NRAP: variants seen among roughly 807,000 people sequenced by gnomAD.
NRAP encodes the protein nebulin related anchoring protein.
Under a neutral mutation model 225.9 loss-of-function variants are expected in NRAP, and 189 were observed. The ratio of observed to expected loss-of-function variants is 0.84; its 90% CI spans 0.74 to 0.94. The LOEUF is 0.94. Ranked by LOEUF, NRAP falls within the 40% of genes least tolerant of loss-of-function variation. The probability of loss-of-function intolerance (pLI) is 0.00; values close to 1 mark genes in which losing one functional copy is unlikely to be tolerated. For synonymous variants in NRAP, 769 were observed against 790.7 expected, an observed-to-expected ratio of 0.97 and a Z score of 0.46; for missense variants, 2,176 against 2,168.7, an observed-to-expected ratio of 1.00 and a Z score of -0.07.
chr10:113,641,794 A>C (rs1026167986), intron 12 of NRAP, among the ~76,000 whole-genome samples: 1 of 152,142 alleles, frequency 6.6e-6, no homozygotes, highest in Admixed American at 6.5e-5. Flanking sequence ...CAATGTGAAA[A>C]TTTACCATGA....
intron 3 of NRAP, 93 bp downstream of exon 3, chr10:113,662,586 C>A: frequency 1.3e-6 from 1 of 795,622 alleles, no homozygotes; most frequent in African/African-American, 1.7e-5. Context: ...CTGTGCCTGG[C>A]TAGAATATAT....
intron 3 of NRAP, among the ~76,000 whole-genome samples, chr10:113,660,370 CACACATATATAT>C (rs1346135013): frequency 3.9e-5 from 6 of 152,024 alleles, no homozygotes; most frequent in African/African-American, 9.7e-5. Context: ...CGGATGCACA[CACACATATATAT>C]ACACATATAT....
chr10:113,616,169 C>T (rs542490327), intron 26 of NRAP, among the ~76,000 whole-genome samples: 1 of 152,240 alleles, frequency 6.6e-6, no homozygotes, highest in South Asian at 2.1e-4. Context: ...ATACAGAAGG[C>T]GAGAAAGAAG....
intron 7 of NRAP, among the ~76,000 whole-genome samples, chr10:113,651,318 TTC>T (rs1178901049): frequency 1.3e-5 from 2 of 152,176 alleles, no homozygotes; most frequent in Non-Finnish European, 1.5e-5. Flanking sequence ...CCTTCCTCAT[TTC>T]TCTCTCTTTT....
rs1849481443 is a variant in NRAP, at chr10:113,645,954, A to AAC, written c.994-14_994-13insGT. On this transcript the variant is annotated splice_polypyrimidine_tract_variant and intron_variant, in intron 10 of 41. Coordinates refer to ENST00000359988, the MANE Select transcript of NRAP (RefSeq NM_198060.4). ...GCCTGTATTTTATCTGAAAAAAAAA[A>AAC]CACAAAACGGGGCTGGAGTTGATGT... The AAC allele has an allele frequency of 7.2e-7, 1 of 1,394,518 alleles. No homozygotes were observed. The highest frequency in any genetic ancestry group is 1.0e-6 in the Non-Finnish European group (1 of 1,003,296). 86.4% of individuals were successfully genotyped at this position (1,394,518 alleles called of 1,614,324 possible).
Position 113,651,989 on chromosome 10 carries a change from G to T in NRAP, c.571-82C>A, listed in dbSNP as rs1013791168. The T allele has an allele frequency of 1.1e-5, 9 of 834,662 alleles. 1 individual carries two copies. The highest frequency in any genetic ancestry group is 1.9e-5 in the Non-Finnish European group (9 of 483,364). 51.7% of individuals were successfully genotyped at this position (834,662 alleles called of 1,614,324 possible). A position where few individuals can be genotyped will look rare whatever the true frequency, so the allele number is the denominator to read the frequency against. ...CTCTCCCTGTGGCTCTCCTAAAGCTGCACCATCAGGCTACACTCAATGCAA... is the reference window on the plus strand; with the variant it reads ...CTCTCCCTGTGGCTCTCCTAAAGCTTCACCATCAGGCTACACTCAATGCAA... On this transcript the variant is annotated intron_variant, in intron 6 of 41. Transcript: ENST00000359988.
At chr10:113,637,189 T>G (rs911833137) in intron 14 of NRAP, among the ~76,000 whole-genome samples, 2 of 152,188 alleles carry the variant, frequency 1.3e-5, no homozygotes, top group Admixed American at 1.3e-4. Context: ...TGGTACTTAC[T>G]ATGCACCCAG....
chr10:113,605,839 G>A lies in NRAP; in HGVS notation c.3838C>T (p.Arg1280Cys), dbSNP rs762456810. 9.3e-6 allele frequency: 15 copies of A among 1,613,912 alleles called. No individual in the cohort carries two copies. In the East Asian group the frequency reaches 1.3e-4, roughly 14 times the overall value. ...ATTGTCAGCTTGTAGCCTTGAGCAC[G>A]AAGATTACGCCAGGACTCTTTGTAT... is the stretch of plus-strand genomic sequence containing the variant. ...ARYKESWRNL[R>C]AQGYKLTIEA... is the part of the protein sequence containing the mutation. Residue 1280 changes from arginine to cysteine, a missense_variant, in exon 34 of 42, where the codon CGT (arginine) becomes TGT (cysteine). This residue lies in a region of NRAP where 1,708 missense variants were observed against 1,695.5 expected (regional missense o/e 1.01). Coordinates refer to ENST00000359988, the MANE Select transcript of NRAP (RefSeq NM_198060.4).
In NRAP at chr10:113,590,578, A is replaced by T. The variant is rs1458772598; in HGVS notation, c.4956T>A (p.Asp1652Glu). ...HAQKAHQLQS[D>E]VKYKSDLNLT... ...AAGGGAGTGGGTGGAGGTGGCTCACATCACTCTGCAGCTGGTGGGCCTTCT... is the reference window on the plus strand; with the variant it reads ...AAGGGAGTGGGTGGAGGTGGCTCACTTCACTCTGCAGCTGGTGGGCCTTCT... Residue 1652 changes from aspartate (D) to glutamate (E), a missense_variant and splice_region_variant, in exon 40 of 42, where the codon GAT (aspartate) becomes GAA (glutamate). By Grantham distance (45) the Asp-to-Glu change is conservative. Transcript: ENST00000359988. 6.2e-7 allele frequency: 1 copy of T among 1,608,634 alleles called. No individual in the cohort carries two copies. The highest frequency in any genetic ancestry group is 8.5e-7 in the Non-Finnish European group (1 of 1,178,768).
intron 28 of NRAP, 104 bp downstream of exon 28, chr10:113,614,735 G>A: frequency 1.4e-6 from 1 of 734,418 alleles, no homozygotes. Flanking sequence ...GTTCGGAGAG[G>A]ACAGGGAATT....
At chr10:113,659,627 A>G (rs900502911) in intron 3 of NRAP, among the ~76,000 whole-genome samples, 7 of 152,222 alleles carry the variant, frequency 4.6e-5, no homozygotes, top group Non-Finnish European at 8.8e-5. Flanking sequence ...GGGGTAAGGA[A>G]GCATGAAGGG....
In NRAP at chr10:113,642,978, G is replaced by A. The variant is rs201384978; in HGVS notation, c.1171C>T (p.Pro391Ser). 9 of 1,608,526 alleles carry A rather than the reference G, an allele frequency of 5.6e-6. No homozygotes were observed. In the East Asian group the frequency reaches 8.9e-5, roughly 16 times the overall value. Reference protein sequence around the residue: ...RGHSINYCETPQFRNVSKISK... With the variant: ...RGHSINYCETSQFRNVSKISK... ...ATCTTGCTCACGTTCCTGAATTGAG[G>A]TGTTTCACAGTAGTTGATACTGTGA... The change falls in exon 12 of 42, where the codon CCT (proline) becomes TCT (serine). Residue 391 changes from proline (P) to serine (S), a missense_variant. Physicochemically the swap from Pro to Ser is moderately conservative, Grantham distance 74 (BLOSUM62 -1). This residue lies in a region of NRAP where 1,708 missense variants were observed against 1,695.5 expected (regional missense o/e 1.01). Transcript: ENST00000359988.
intron 33 of NRAP, 144 bp from the exon 34 acceptor site, chr10:113,606,013 C>T (rs1846939518): frequency 1.3e-6 from 1 of 780,458 alleles, no homozygotes; most frequent in African/African-American, 1.7e-5. Flanking sequence ...CCTGGGTACA[C>T]TCATGGACTC....
rs542598929 is a variant in NRAP, at chr10:113,635,558, G to A, written c.1429-1348C>T. ...TTCTCGCGCCTCAGCCTCCCTGGTA[G>A]CTGGAACTACAGGCGTGCACCACTA... On this transcript the variant is annotated intron_variant, in intron 14 of 41. Transcript: ENST00000359988. Among the ~76,000 whole-genome samples the A allele has an allele frequency of 1.1e-4, 16 of 152,322 alleles. 2 individuals carry two copies. The highest frequency in any genetic ancestry group is 3.8e-4 in the African/African-American group (16 of 41,574).
At chr10:113,646,765 C>G (rs1372616900) in intron 10 of NRAP, among the ~76,000 whole-genome samples, 158 bp downstream of exon 10, 1 of 152,206 alleles carries the variant, frequency 6.6e-6, no homozygotes, top group African/African-American at 2.4e-5. Flanking sequence ...CAAATGGGGC[C>G]AAAGCAGGCA....
rs573325820 is a variant in NRAP, at chr10:113,606,232, G to A, written c.3753C>T (p.Thr1251=). The change falls in exon 33 of 42, where the codon ACC becomes ACT. Residue 1251 remains threonine (T), a synonymous_variant. Transcript: ENST00000359988. Reference sequence around the variant, plus strand: ...CTCGGATGAACTCGGGCAGACCCAGGGTCATTGTATACTCGTGTCTTGCAT... The same window carrying A: ...CTCGGATGAACTCGGGCAGACCCAGAGTCATTGTATACTCGTGTCTTGCAT... ...GEDARHEYTM[T]LGLPEFIRAK... The A allele has an allele frequency of 6.2e-7, 1 of 1,614,152 alleles. No individual in the cohort carries two copies. Among genetic ancestry groups the A allele is most frequent in the South Asian group, 1.1e-5 (1 of 91,078 alleles).
intron 10 of NRAP, 24 bp downstream of exon 10, chr10:113,646,898 GT>G: frequency 2.0e-6 from 3 of 1,493,478 alleles, no homozygotes; most frequent in Non-Finnish European, 2.8e-6. Context: ...CTCTGGCTCT[GT>G]GGTCACACCT....
At chr10:113,604,121 A>T (rs1846777406) in intron 35 of NRAP, among the ~76,000 whole-genome samples, 1 of 151,872 alleles carries the variant, frequency 6.6e-6, no homozygotes, top group Admixed American at 6.6e-5. Flanking sequence ...GTCAATAAAG[A>T]CTGTTTTTTT....
intron 7 of NRAP, among the ~76,000 whole-genome samples, chr10:113,651,210 T>C (rs1849944890): frequency 6.6e-6 from 1 of 152,204 alleles, no homozygotes; most frequent in African/African-American, 2.4e-5. Flanking sequence ...TTCTTCTTGT[T>C]ACCCATGCAG....
Sources: allele counts gnomAD v4.1 joint callset (sites outside exome capture counted in the v4.1 genomes callset), GRCh38; gene constraint gnomAD v4.1.1; regional missense constraint gnomAD v4.1.1; transcripts MANE v1.5; gene names NCBI Gene and HGNC (gene_info 2026-07-23, HGNC 2026-07-21).